Variants in CSMD1 observed in about 807,000 individuals in gnomAD.
The protein encoded by CSMD1 is CUB and sushi domain-containing protein 1.
CSMD1 carries 213 observed loss-of-function variants against 417.5 expected under a neutral mutation model. That is an observed-to-expected ratio of 0.51 (90% CI 0.46 to 0.57). The LOEUF is 0.57. Among genes scored for constraint, CSMD1 ranks in the 20% least tolerant of loss-of-function variants. The probability of loss-of-function intolerance (pLI) is 0.00; values close to 1 mark genes in which losing one functional copy is unlikely to be tolerated. For missense variants in CSMD1, 6,923 were observed against 4,529.7 expected, an observed-to-expected ratio of 1.53 and a Z score of -15.17; for synonymous variants, 2,862 against 1,736.8, an observed-to-expected ratio of 1.65 and a Z score of -16.11.
intron 2 of CSMD1, among the ~76,000 whole-genome samples, chr8:4,425,011 C>T (rs138553180): frequency 2.1e-4 from 32 of 152,056 alleles, no homozygotes; most frequent in African/African-American, 7.2e-4. Context: ...AATAACAAAA[C>T]ATTAAATTCT....
intron 3 of CSMD1, among the ~76,000 whole-genome samples, chr8:4,131,221 T>G (rs1054846256): frequency 1.3e-5 from 2 of 152,178 alleles, no homozygotes; most frequent in Non-Finnish European, 2.9e-5. Flanking sequence ...TTTCTATAAG[T>G]ATACGGCATG....
chr8:4,345,896 G>A (rs1296261915), intron 3 of CSMD1, among the ~76,000 whole-genome samples: 2 of 152,072 alleles, frequency 1.3e-5, no homozygotes, highest in Admixed American at 6.6e-5. Flanking sequence ...ATGAGTCTGT[G>A]TATTCAGTCA....
chr8:4,789,516 A>G (rs1797582175), intron 1 of CSMD1, among the ~76,000 whole-genome samples: 1 of 152,132 alleles, frequency 6.6e-6, no homozygotes, highest in African/African-American at 2.4e-5. Context: ...CCTCACCTAT[A>G]TAATTTTACT....
chr8:4,065,649 C>G (rs1799207148), intron 3 of CSMD1, among the ~76,000 whole-genome samples: 1 of 152,146 alleles, frequency 6.6e-6, no homozygotes, highest in African/African-American at 2.4e-5. Flanking sequence ...CAGGCAATGC[C>G]TTTTAGCCAT....
rs537112681 is a variant in CSMD1, at chr8:3,314,538, TTAAG to T, written c.3632-6039_3632-6036del. 9.3e-4 allele frequency among the ~76,000 whole-genome samples: 141 copies of T among 152,336 alleles called. 1 individual carries two copies. Among genetic ancestry groups the T allele is most frequent in the Non-Finnish European group, 1.7e-3 (117 of 68,020 alleles). On this transcript the variant is annotated intron_variant, in intron 23 of 69. Coordinates refer to ENST00000635120, the MANE Select transcript of CSMD1 (RefSeq NM_033225.6). ...TCACATTATTTGTGTCAAAGCACTATTAAGTATTATTACAATCAAAACTTGAATG... is the reference window on the plus strand; with the variant it reads ...TCACATTATTTGTGTCAAAGCACTATTATTATTACAATCAAAACTTGAATG...
intron 3 of CSMD1, among the ~76,000 whole-genome samples, chr8:4,114,937 C>A (rs1298428178): frequency 2.6e-5 from 4 of 152,106 alleles, no homozygotes; most frequent in Non-Finnish European, 5.9e-5. Context: ...ATACAATCTA[C>A]TCCTGGTAAA....
chr8:3,311,893 A>C (rs62504441), intron 23 of CSMD1, among the ~76,000 whole-genome samples: 22,682 of 152,202 alleles, frequency 0.15, 2,083 homozygotes, highest in Admixed American at 0.21. Context: ...CAAGTAGTTT[A>C]TAGCTATTAA....
chr8:3,363,771 T>A (rs1809360980), intron 20 of CSMD1, among the ~76,000 whole-genome samples: 1 of 152,186 alleles, frequency 6.6e-6, no homozygotes, highest in African/African-American at 2.4e-5. Context: ...TGAGAAATGA[T>A]GCTAATTCAC....
At chr8:3,349,043 C>T (rs1808212870) in intron 21 of CSMD1, among the ~76,000 whole-genome samples, 1 of 152,164 alleles carries the variant, frequency 6.6e-6, no homozygotes, top group South Asian at 2.1e-4. Context: ...GGAGTCTGCG[C>T]CAACAATTTT....
At chr8:3,222,494 A>G (rs1798274710) in intron 28 of CSMD1, among the ~76,000 whole-genome samples, 1 of 152,024 alleles carries the variant, frequency 6.6e-6, no homozygotes, top group Non-Finnish European at 1.5e-5. Flanking sequence ...AATTTTTTGT[A>G]GTGATGGAGT....
intron 7 of CSMD1, among the ~76,000 whole-genome samples, chr8:3,679,689 T>C (rs1459401680): frequency 6.6e-6 from 1 of 152,176 alleles, no homozygotes; most frequent in East Asian, 1.9e-4. Flanking sequence ...GCAGACCTAA[T>C]AGACATCTAC....
chr8:4,489,635 T>A (rs974621481), intron 2 of CSMD1, among the ~76,000 whole-genome samples: 2 of 152,136 alleles, frequency 1.3e-5, no homozygotes, highest in Non-Finnish European at 2.9e-5. Context: ...TTGCTTCTGG[T>A]CAACAAGGAG....
At chr8:3,024,381 C>T (rs745467255) in intron 51 of CSMD1, among the ~76,000 whole-genome samples, 9 of 151,940 alleles carry the variant, frequency 5.9e-5, no homozygotes, top group Non-Finnish European at 8.8e-5. Context: ...CCTCAGCTCG[C>T]GGCAACTGCC....
intron 3 of CSMD1, among the ~76,000 whole-genome samples, chr8:4,353,182 A>G (rs1262297375): frequency 6.6e-6 from 1 of 152,134 alleles, no homozygotes; most frequent in Non-Finnish European, 1.5e-5. Context: ...AATAATCCCC[A>G]CGTGTCAAGT....
intron 2 of CSMD1, among the ~76,000 whole-genome samples, chr8:4,437,841 G>A (rs758078174): frequency 6.6e-6 from 1 of 152,276 alleles, no homozygotes; most frequent in South Asian, 2.1e-4. Flanking sequence ...AAACTGTGCA[G>A]GTCTGCCCCT....
At chr8:4,321,034 T>A (rs1398104505) in intron 3 of CSMD1, among the ~76,000 whole-genome samples, 1 of 152,196 alleles carries the variant, frequency 6.6e-6, no homozygotes, top group African/African-American at 2.4e-5. Context: ...ACATTCATAT[T>A]TTCACATTTT....
At chr8:4,091,786 C>G (rs1800733932) in intron 3 of CSMD1, among the ~76,000 whole-genome samples, 1 of 152,134 alleles carries the variant, frequency 6.6e-6, no homozygotes, top group Non-Finnish European at 1.5e-5. Flanking sequence ...GTTGTAGTCA[C>G]AAGGTTGGTA....
At chr8:4,416,251 C>T (rs966973734) in intron 3 of CSMD1, among the ~76,000 whole-genome samples, 5 of 152,090 alleles carry the variant, frequency 3.3e-5, no homozygotes, top group African/African-American at 1.2e-4. Context: ...TACAAAACTT[C>T]TATTTTCCGA....
intron 1 of CSMD1, among the ~76,000 whole-genome samples, chr8:4,650,691 G>C (rs900880371): frequency 6.6e-6 from 1 of 151,558 alleles, no homozygotes; most frequent in African/African-American, 2.4e-5. Context: ...AGTTGATTCT[G>C]TGTGTGATTT....
Sources: allele counts gnomAD v4.1 joint callset (sites outside exome capture counted in the v4.1 genomes callset), GRCh38; gene constraint gnomAD v4.1.1; transcripts MANE v1.5; gene names NCBI Gene and HGNC (gene_info 2026-07-23, HGNC 2026-07-21).